Variants in DGKB observed in about 807,000 individuals in gnomAD.
DGKB encodes the protein diacylglycerol kinase beta.
DGKB carries 67 observed loss-of-function variants against 114.3 expected under a neutral mutation model. The observed-to-expected ratio is 0.59, with a 90% CI of 0.48 to 0.72. The LOEUF (loss-of-function observed/expected upper bound fraction) is 0.72. Among genes scored for constraint, DGKB ranks in the 30% least tolerant of loss-of-function variants. The pLI is 0.00. For missense variants in DGKB, 907 were observed against 975.2 expected (o/e 0.93, Z 0.93); for synonymous variants, 398 against 323.1 (o/e 1.23, Z -2.49).
intron 23 of DGKB, among the ~76,000 whole-genome samples, chr7:14,224,469 T>C (rs1481191711): frequency 6.6e-6 from 1 of 152,074 alleles, no homozygotes; most frequent in Non-Finnish European, 1.5e-5. Flanking sequence ...AGGCTTTGTC[T>C]GTTTAACTCA....
At chr7:14,853,586 G>T (rs993166244) in intron 1 of DGKB, among the ~76,000 whole-genome samples, 14 of 151,684 alleles carry the variant, frequency 9.2e-5, no homozygotes, top group Non-Finnish European at 1.3e-4. Context: ...AATTTATCAG[G>T]CCGGTCACAG....
At position 14,751,439 on chromosome 7, in the gene DGKB, G is replaced by A. The variant is rs1834110911; in HGVS notation, c.168+2489C>T. 1.3e-5 allele frequency among the ~76,000 whole-genome samples: 2 copies of A among 152,250 alleles called. 1 individual carries two copies. The highest frequency in any genetic ancestry group is 4.1e-4 in the South Asian group (2 of 4,830). The stretch of plus-strand genomic sequence containing the variant: ...CTTGATTTCAAAACTTGTTTGTAAA[G>A]AAAGCAATTGATCACAATTGGTATA... On this transcript the variant is annotated intron_variant, in intron 4 of 25. Coordinates refer to ENST00000402815, the MANE Select transcript of DGKB (RefSeq NM_001350709.2).
At chr7:14,542,852 C>A (rs1254632287) in intron 20 of DGKB, among the ~76,000 whole-genome samples, 3 of 152,176 alleles carry the variant, frequency 2.0e-5, no homozygotes, top group Admixed American at 2.0e-4. Flanking sequence ...TATCTAAAGC[C>A]ACACTGCTCT....
intron 21 of DGKB, among the ~76,000 whole-genome samples, chr7:14,350,026 G>C (rs1053273361): frequency 6.6e-6 from 1 of 152,042 alleles, no homozygotes; most frequent in Non-Finnish European, 1.5e-5. Context: ...TTGAATTAAC[G>C]TAGTAAACCC....
intron 2 of DGKB, among the ~76,000 whole-genome samples, chr7:14,820,602 A>G (rs895012312): frequency 7.2e-5 from 11 of 152,188 alleles, no homozygotes; most frequent in African/African-American, 2.7e-4. Context: ...CAAACTTCAA[A>G]CTATTTCAAA....
At chr7:14,358,790 A>G (rs1289366299) in intron 21 of DGKB, among the ~76,000 whole-genome samples, 1 of 152,206 alleles carries the variant, frequency 6.6e-6, no homozygotes, top group Non-Finnish European at 1.5e-5. Flanking sequence ...CCGCTGTTCA[A>G]TGAAATAAAA....
intron 21 of DGKB, among the ~76,000 whole-genome samples, chr7:14,394,125 C>T (rs1821869614): frequency 6.6e-6 from 1 of 152,116 alleles, no homozygotes; most frequent in Admixed American, 6.5e-5. Context: ...AGCTCCTTTC[C>T]AAGGTTCCAA....
At chr7:14,950,540 C>A (rs1786131173) in intron 1 of DGKB, among the ~76,000 whole-genome samples, 1 of 151,894 alleles carries the variant, frequency 6.6e-6, no homozygotes, top group South Asian at 2.1e-4. Context: ...AGGAAAAAGA[C>A]ACAAATTACT....
At chr7:14,508,330 G>T (rs1361394356) in intron 20 of DGKB, among the ~76,000 whole-genome samples, 1 of 152,018 alleles carries the variant, frequency 6.6e-6, no homozygotes, top group Non-Finnish European at 1.5e-5. Flanking sequence ...TTCATTATCA[G>T]GACTGGATCT....
intron 2 of DGKB, among the ~76,000 whole-genome samples, chr7:14,803,411 TGA>T (rs1842423655): frequency 6.6e-6 from 1 of 152,206 alleles, no homozygotes; most frequent in African/African-American, 2.4e-5. Flanking sequence ...TAATTCTATG[TGA>T]GTGTGTTTGT....
At chr7:14,810,118 A>G (rs1843240563) in intron 2 of DGKB, among the ~76,000 whole-genome samples, 1 of 152,192 alleles carries the variant, frequency 6.6e-6, no homozygotes, top group African/African-American at 2.4e-5. Context: ...CACGTTGCAA[A>G]CACGAATTAC....
intron 16 of DGKB, among the ~76,000 whole-genome samples, chr7:14,612,149 A>G (rs1471828356): frequency 2.0e-5 from 2 of 98,500 alleles, no homozygotes; most frequent in African/African-American, 6.0e-5. Flanking sequence ...AAAAAATCTT[A>G]TACTCATTTT....
chr7:14,685,430 G>A, intron 9 of DGKB, 68 bp from the exon 10 acceptor site: 1 of 1,158,440 alleles, frequency 8.6e-7, no homozygotes, highest in East Asian at 2.4e-5. Context: ...AAGTGCCAAT[G>A]AAATTCAGAG....
At chr7:14,373,629 C>T (rs978338984) in intron 21 of DGKB, among the ~76,000 whole-genome samples, 1 of 152,080 alleles carries the variant, frequency 6.6e-6, no homozygotes, top group East Asian at 1.9e-4. Context: ...GAAGGGACAA[C>T]TTCTTCACTC....
intron 1 of DGKB, among the ~76,000 whole-genome samples, chr7:14,922,605 C>G (rs970650773): frequency 2.0e-5 from 3 of 151,958 alleles, no homozygotes; most frequent in African/African-American, 4.8e-5. Context: ...AGCATATATA[C>G]TTGCTTCATT....
At chr7:14,878,670 A>T (rs1403361406) in intron 1 of DGKB, among the ~76,000 whole-genome samples, 1 of 147,688 alleles carries the variant, frequency 6.8e-6, no homozygotes, top group Non-Finnish European at 1.5e-5. Context: ...AATGGCGTGA[A>T]CCCGGGAGGC....
intron 19 of DGKB, among the ~76,000 whole-genome samples, chr7:14,576,845 G>A (rs946703580): frequency 1.3e-5 from 2 of 152,076 alleles, no homozygotes; most frequent in Non-Finnish European, 2.9e-5. Context: ...CATGAAAAAG[G>A]CTGGTTTAAA....
At chr7:14,822,636 G>C (rs1209746258) in intron 2 of DGKB, among the ~76,000 whole-genome samples, 2 of 152,072 alleles carry the variant, frequency 1.3e-5, no homozygotes, top group Middle Eastern at 3.2e-3. Flanking sequence ...TTATATGACA[G>C]GCTATTCTAC....
chr7:14,303,582 C>A lies in DGKB; in HGVS notation c.2122+34933G>T, dbSNP rs558516659. 2.1e-3 allele frequency among the ~76,000 whole-genome samples: 312 copies of A among 151,956 alleles called. 3 individuals carry two copies. Among genetic ancestry groups the A allele is most frequent in the African/African-American group, 7.2e-3 (299 of 41,426 alleles). The stretch of plus-strand genomic sequence containing the variant: ...CTCTTTGGTGTTTCTTTGCTCAGAC[C>A]AAACCTAGTCTTGATCTAGTTGCAC... On this transcript the variant is annotated intron_variant, in intron 23 of 25. Transcript: ENST00000402815.
Sources: allele counts gnomAD v4.1 joint callset (sites outside exome capture counted in the v4.1 genomes callset), GRCh38; gene constraint gnomAD v4.1.1; transcripts MANE v1.5; gene names NCBI Gene and HGNC (gene_info 2026-07-23, HGNC 2026-07-21).